Variants in RNF38 observed in about 807,000 individuals in gnomAD.
RNF38 encodes E3 ubiquitin-protein ligase RNF38.
A neutral mutation model predicts 67.2 loss-of-function variants in RNF38; 15 were observed. That is an observed-to-expected ratio of 0.22 (90% confidence interval 0.15 to 0.34). RNF38 has a LOEUF of 0.34. Ranked by LOEUF, RNF38 falls within the 10% of genes least tolerant of loss-of-function variation. The pLI, the probability that RNF38 is intolerant of heterozygous loss-of-function variation, is 1.00. For synonymous variants in RNF38, 220 were observed against 218.8 expected (o/e 1.01, Z -0.05); for missense variants, 524 against 639.9 (o/e 0.82, Z 1.95).
At chr9:36,344,687 C>G (rs1204023866) in intron 10 of RNF38, 145 bp downstream of exon 10, 6 of 693,014 alleles carry the variant, frequency 8.7e-6, no homozygotes, top group Non-Finnish European at 1.4e-5. Flanking sequence ...GATAACTTAT[C>G]TTTATCAAAG....
At chr9:36,342,135 G>T (rs979577077) in intron 11 of RNF38, among the ~76,000 whole-genome samples, 190 bp downstream of exon 11, 13 of 151,478 alleles carry the variant, frequency 8.6e-5, no homozygotes, top group African/African-American at 3.2e-4. Context: ...TTTGGATTTT[G>T]TATAGTCACT....
intron 1 of RNF38, among the ~76,000 whole-genome samples, chr9:36,459,789 TCATGTA>T (rs1839684159): frequency 6.6e-6 from 1 of 152,098 alleles, no homozygotes; most frequent in South Asian, 2.1e-4. Flanking sequence ...TCTTCTACTG[TCATGTA>T]CAATACTGAA....
intron 1 of RNF38, among the ~76,000 whole-genome samples, chr9:36,473,271 G>C (rs2134420524): frequency 1.3e-5 from 2 of 151,708 alleles, no homozygotes; most frequent in Non-Finnish European, 2.9e-5. Flanking sequence ...GTCCAGCCTG[G>C]ACAACATAGT....
chr9:36,472,874 G>C (rs570206295), intron 1 of RNF38, among the ~76,000 whole-genome samples: 1 of 46,468 alleles, frequency 2.2e-5, no homozygotes, highest in Admixed American at 1.7e-4. Context: ...GAGAGACCGA[G>C]GTGGGTGGAT....
chr9:36,453,614 C>T (rs1215335753), intron 1 of RNF38, among the ~76,000 whole-genome samples: 1 of 152,092 alleles, frequency 6.6e-6, no homozygotes, highest in Non-Finnish European at 1.5e-5. Context: ...GAACTCTTGA[C>T]CCCAAGTGAT....
rs182217470 is a variant in RNF38, at chr9:36,370,580, G to C, written c.357-648C>G. On this transcript the variant is annotated intron_variant, in intron 3 of 11. Transcript: ENST00000259605. ...TTTAATTTTTATGGGTGCACACAAG[G>C]TATATATACTTACATAGAATTTTAA... 3.1e-3 allele frequency among the ~76,000 whole-genome samples: 473 copies of C among 152,166 alleles called. 3 individuals carry two copies. Among genetic ancestry groups the C allele is most frequent in the African/African-American group, 0.011 (439 of 41,502 alleles).
chr9:36,464,245 A>T (rs967208800), intron 1 of RNF38, among the ~76,000 whole-genome samples: 2 of 151,772 alleles, frequency 1.3e-5, no homozygotes, highest in African/African-American at 4.8e-5. Flanking sequence ...TGCATTATGT[A>T]GATGAAATGC....
intron 1 of RNF38, among the ~76,000 whole-genome samples, chr9:36,434,187 G>A (rs1839002978): frequency 6.8e-6 from 1 of 146,230 alleles, no homozygotes; most frequent in South Asian, 2.3e-4. Context: ...AGTGAGCTGA[G>A]ATCGTGCCAC....
intron 1 of RNF38, among the ~76,000 whole-genome samples, chr9:36,432,685 C>T (rs535992843): frequency 2.0e-5 from 3 of 151,974 alleles, no homozygotes; most frequent in Admixed American, 2.0e-4. Context: ...CCCACCTACT[C>T]GGGAGGCTGA....
chr9:36,382,344 A>G (rs150121949), intron 2 of RNF38, among the ~76,000 whole-genome samples: 174 of 152,314 alleles, frequency 1.1e-3, no homozygotes, highest in African/African-American at 4.1e-3. Context: ...GGCAGGTTTT[A>G]TGCTTAGCAT....
At position 36,432,403 on chromosome 9, in the gene RNF38, G is replaced by A. The variant is rs114411113; in HGVS notation, n.242-7720C>T. ...CTCCTTTGGCATCCCAAAGTGCTGGGATTACAGGCGTTAAGCCACCGCGCC... is the reference window on the plus strand; with the variant it reads ...CTCCTTTGGCATCCCAAAGTGCTGGAATTACAGGCGTTAAGCCACCGCGCC... On this transcript the variant is annotated intron_variant and non_coding_transcript_variant, in intron 1 of 3. Coordinates refer to the RNF38 transcript ENST00000488058. Among the ~76,000 whole-genome samples the A allele has an allele frequency of 6.8e-3, 1,029 of 152,206 alleles. 10 individuals carry two copies. Among genetic ancestry groups the A allele is most frequent in the African/African-American group, 0.024 (985 of 41,522 alleles).
intron 1 of RNF38, among the ~76,000 whole-genome samples, chr9:36,484,578 A>G (rs1404625105): frequency 6.6e-6 from 1 of 152,204 alleles, no homozygotes; most frequent in Non-Finnish European, 1.5e-5. Context: ...AGGACATTAA[A>G]GGTATAAATA....
At chr9:36,354,506 G>T (rs1833946796) in intron 6 of RNF38, among the ~76,000 whole-genome samples, 1 of 152,154 alleles carries the variant, frequency 6.6e-6, no homozygotes, top group Admixed American at 6.6e-5. Flanking sequence ...TCATGTAAAT[G>T]GAACCAGTTC....
intron 1 of RNF38, among the ~76,000 whole-genome samples, chr9:36,449,225 G>GT (rs1839378907): frequency 6.6e-6 from 1 of 152,076 alleles, no homozygotes; most frequent in African/African-American, 2.4e-5. Flanking sequence ...AAGGCAAAGT[G>GT]TTTGAGACCA....
intron 1 of RNF38, among the ~76,000 whole-genome samples, chr9:36,394,716 G>A (rs541640574): frequency 2.0e-5 from 3 of 152,218 alleles, no homozygotes; most frequent in Admixed American, 6.5e-5. Flanking sequence ...CAAGTCTATC[G>A]AATTCTAAGG....
At position 36,390,613 on chromosome 9, in the gene RNF38, A is replaced by G. The variant is rs551880490; in HGVS notation, c.16T>C (p.Ser6Pro). Reference protein sequence around the residue: MACKISPGANSASLPG... With the variant: MACKIPPGANSASLPG... Reference sequence around the variant, plus strand: ...AGAGATGCTGAATTGGCCCCGGGAGATATCTGGGAAAAAGAGGAAGAAAAG... The same window carrying G: ...AGAGATGCTGAATTGGCCCCGGGAGGTATCTGGGAAAAAGAGGAAGAAAAG... The change falls in exon 2 of 12, where the codon TCT becomes CCT. Residue 6 changes from serine to proline, a missense_variant. Coordinates refer to ENST00000259605, the MANE Select transcript of RNF38 (RefSeq NM_022781.5). 4.3e-6 allele frequency: 7 copies of G among 1,613,944 alleles called. No individual in the cohort carries two copies. The highest frequency in any genetic ancestry group is 2.2e-5 in the South Asian group (2 of 91,068).
chr9:36,347,536 G>A (rs1260308560), intron 9 of RNF38, among the ~76,000 whole-genome samples: 1 of 152,096 alleles, frequency 6.6e-6, no homozygotes, highest in Non-Finnish European at 1.5e-5. Context: ...GATCTTTGAC[G>A]TTACTATTGC....
At chr9:36,425,850 A>G (rs1421489516) in intron 1 of RNF38, among the ~76,000 whole-genome samples, 1 of 152,232 alleles carries the variant, frequency 6.6e-6, no homozygotes, top group Non-Finnish European at 1.5e-5. Flanking sequence ...GGCACACGCC[A>G]CCACGCCCAG....
chr9:36,350,251 T>A (rs1045690219), intron 9 of RNF38, among the ~76,000 whole-genome samples: 1 of 152,212 alleles, frequency 6.6e-6, no homozygotes, highest in Non-Finnish European at 1.5e-5. Context: ...GTCTTATAAT[T>A]TATTGCCTTA....
Sources: allele counts gnomAD v4.1 joint callset (sites outside exome capture counted in the v4.1 genomes callset), GRCh38; gene constraint gnomAD v4.1.1; transcripts MANE v1.5; gene names NCBI Gene and HGNC (gene_info 2026-07-23, HGNC 2026-07-21).